Variants in ADD1 observed in about 807,000 individuals in gnomAD.
ADD1 encodes adducin 1.
In ADD1, 24 loss-of-function variants were observed where a neutral mutation model predicts 80.5. That is an observed-to-expected ratio of 0.30 (90% CI 0.22 to 0.42). ADD1 has a LOEUF of 0.42. Ranked by LOEUF, ADD1 falls within the 10% of genes least tolerant of loss-of-function variation. The pLI, the probability that ADD1 is intolerant of heterozygous loss-of-function variation, is 1.00. For synonymous variants in ADD1, 373 were observed against 393.8 expected (o/e 0.95, Z 0.63); for missense variants, 948 against 1,019.0 (o/e 0.93, Z 0.95).
chr4:2,886,527 C>T (rs58220814), intron 4 of ADD1, among the ~76,000 whole-genome samples: 1 of 152,280 alleles, frequency 6.6e-6, no homozygotes, highest in East Asian at 1.9e-4. Context: ...TAGCAGTTAC[C>T]CCCATTCATT....
In ADD1 at chr4:2,926,577, G is replaced by T. The variant is rs955344478; in HGVS notation, c.2047+465G>T. On this transcript the variant is annotated intron_variant, in intron 15 of 15. Transcript: ENST00000683351. This position sits in a 1 kb window ranked among gnomAD's most constrained non-coding sequence, Gnocchi z 5.0. The stretch of plus-strand genomic sequence containing the variant: ...GCCTTTCTTCTTCTGTAACCTGATG[G>T]CTGTGACTGAATGCATAGATTCTCT... 4 of 1,575,552 alleles carry T rather than the reference G, an allele frequency of 2.5e-6. No homozygotes were observed. The African/African-American group carries it at 4.1e-5, about 16-fold the overall frequency.
chr4:2,871,257 C>T (rs1478585472), intron 1 of ADD1, among the ~76,000 whole-genome samples: 3 of 152,104 alleles, frequency 2.0e-5, no homozygotes, highest in African/African-American at 4.8e-5. Flanking sequence ...AGGCGTGAGC[C>T]ACCGTGCCTG....
chr4:2,863,219 A>AAT (rs557717535), intron 1 of ADD1, among the ~76,000 whole-genome samples: 1 of 123,764 alleles, frequency 8.1e-6, no homozygotes, highest in Non-Finnish European at 1.7e-5. Context: ...CTAATTTTTA[A>AAT]TTTTTTTTTT....
intron 1 of ADD1, among the ~76,000 whole-genome samples, chr4:2,863,029 C>T (rs947003733): frequency 6.6e-6 from 1 of 151,866 alleles, no homozygotes; most frequent in Non-Finnish European, 1.5e-5. Flanking sequence ...GTGGCTTCTC[C>T]CCTCTACCTC....
chr4:2,915,778 C>T (rs529487551), intron 14 of ADD1, among the ~76,000 whole-genome samples: 23 of 152,234 alleles, frequency 1.5e-4, no homozygotes, highest in South Asian at 8.3e-4. Flanking sequence ...GAGCCGAGAT[C>T]GTGCCATTGC....
At chr4:2,855,451 G>A (rs1380014698) in intron 1 of ADD1, among the ~76,000 whole-genome samples, 6 of 151,022 alleles carry the variant, frequency 4.0e-5, no homozygotes, top group Non-Finnish European at 7.4e-5. Flanking sequence ...CTTTTGGTTT[G>A]GAAATGACAT....
At chr4:2,860,569 G>A (rs1000009237) in intron 1 of ADD1, among the ~76,000 whole-genome samples, 3 of 152,184 alleles carry the variant, frequency 2.0e-5, no homozygotes, top group Non-Finnish European at 4.4e-5. Flanking sequence ...ATCTGGAAAT[G>A]TATTTGTTCT....
chr4:2,885,309 TCCC>T (rs1733069751), intron 4 of ADD1, among the ~76,000 whole-genome samples: 29 of 152,330 alleles, frequency 1.9e-4, no homozygotes, highest in Admixed American at 5.2e-4. Context: ...GTGGAAGTCC[TCCC>T]ACCAGAGCCC....
chr4:2,889,256 T>A (rs940323796), intron 4 of ADD1, among the ~76,000 whole-genome samples: 6 of 152,158 alleles, frequency 3.9e-5, no homozygotes, highest in Non-Finnish European at 5.9e-5. Context: ...TTGGCAATGA[T>A]GGCTGCTGGG....
chr4:2,845,589 T>C (rs986220888), intron 1 of ADD1, among the ~76,000 whole-genome samples: 2 of 152,168 alleles, frequency 1.3e-5, no homozygotes, highest in Non-Finnish European at 2.9e-5. Context: ...GTGATGTGAG[T>C]CTAAACTCTA....
chr4:2,898,053 G>T, intron 6 of ADD1, 131 bp from the exon 7 acceptor site: 2 of 1,228,590 alleles, frequency 1.6e-6, no homozygotes, highest in Non-Finnish European at 2.3e-6. Flanking sequence ...TAAGTTCATA[G>T]ATTGATTTTC....
chr4:2,903,575 G>T (rs757932603), intron 9 of ADD1, among the ~76,000 whole-genome samples: 106 of 152,206 alleles, frequency 7.0e-4, no homozygotes, highest in Non-Finnish European at 8.5e-4. Context: ...ATTCTTGGCA[G>T]CTTTACTTCT....
chr4:2,899,971 A>G, intron 9 of ADD1: 1 of 199,008 alleles, frequency 5.0e-6, no homozygotes, highest in Non-Finnish European at 1.0e-5. Flanking sequence ...AAGTGAGCCC[A>G]CACTGTGATA....
At chr4:2,907,935 C>T (rs1737335975) in intron 11 of ADD1, 91 bp downstream of exon 11, 3 of 969,724 alleles carry the variant, frequency 3.1e-6, no homozygotes, top group Non-Finnish European at 1.7e-6. Flanking sequence ...TTGCTTCTAG[C>T]AGAGGGCATC....
chr4:2,914,800 C>A, intron 13 of ADD1, 84 bp from the exon 14 acceptor site: 2 of 1,497,544 alleles, frequency 1.3e-6, no homozygotes, highest in Non-Finnish European at 8.9e-7. Flanking sequence ...CTCCTGCCCC[C>A]GCCCTGCCTG....
intron 13 of ADD1, among the ~76,000 whole-genome samples, chr4:2,910,501 G>T (rs1156577799): frequency 1.3e-5 from 2 of 152,312 alleles, no homozygotes; most frequent in Middle Eastern, 6.8e-3. Context: ...GACTCTGCCT[G>T]TTGCTTGTTT....
intron 14 of ADD1, 141 bp from the exon 15 acceptor site, chr4:2,925,873 G>A: frequency 1.6e-6 from 1 of 642,530 alleles, no homozygotes; most frequent in Admixed American, 2.9e-5. Flanking sequence ...TCCTCTCTTG[G>A]AGAGGATCAG....
At chr4:2,907,494 G>C in intron 10 of ADD1, 1 of 398,656 alleles carries the variant, frequency 2.5e-6, no homozygotes, top group Non-Finnish European at 4.7e-6. Flanking sequence ...CCCAGATTCA[G>C]CTGGGCTTTC....
intron 1 of ADD1, among the ~76,000 whole-genome samples, chr4:2,870,602 T>C (rs1223598594): frequency 6.6e-6 from 1 of 152,262 alleles, no homozygotes; most frequent in African/African-American, 2.4e-5. Flanking sequence ...TTTACAGTTT[T>C]CACACTTTAA....
Sources: gnomAD v4.1 joint callset for allele counts (sites outside exome capture counted in the v4.1 genomes callset) on GRCh38, gnomAD v4.1.1 for gene constraint, Gnocchi (gnomAD v3.1) non-coding constraint, MANE v1.5 for transcripts, NCBI Gene and HGNC (gene_info 2026-07-23, HGNC 2026-07-21) for gene names.